Variants in PPP1R9A observed in about 807,000 individuals in gnomAD.
The protein encoded by PPP1R9A is neurabin-1.
A neutral mutation model predicts 141.9 loss-of-function variants in PPP1R9A; 59 were observed. The ratio of observed to expected loss-of-function variants is 0.42; its 90% confidence interval spans 0.34 to 0.52. The LOEUF is 0.52. PPP1R9A is among the 20% of genes least tolerant of loss of function. The pLI is 0.10. For synonymous variants in PPP1R9A, 500 were observed against 569.7 expected (o/e 0.88, Z 1.74); for missense variants, 1,444 against 1,611.9 (o/e 0.90, Z 1.78).
chr7:94,978,767 A>G (rs1197078065), intron 2 of PPP1R9A, among the ~76,000 whole-genome samples: 1 of 152,166 alleles, frequency 6.6e-6, no homozygotes, highest in African/African-American at 2.4e-5. Flanking sequence ...TTAGATGTTC[A>G]GAGTAGTGCT....
intron 12 of PPP1R9A, among the ~76,000 whole-genome samples, chr7:95,257,848 A>C (rs544874386): frequency 6.6e-6 from 1 of 152,246 alleles, no homozygotes; most frequent in East Asian, 1.9e-4. Flanking sequence ...ACATGAACTC[A>C]TCATTTTTTA....
At chr7:95,001,013 C>T (rs1802843680) in intron 2 of PPP1R9A, among the ~76,000 whole-genome samples, 1 of 151,672 alleles carries the variant, frequency 6.6e-6, no homozygotes, top group African/African-American at 2.4e-5. Flanking sequence ...TTAACATCCT[C>T]ATTTAATAAT....
chr7:94,988,527 T>G (rs2151404648), intron 2 of PPP1R9A, among the ~76,000 whole-genome samples: 1 of 152,172 alleles, frequency 6.6e-6, no homozygotes, highest in South Asian at 2.1e-4. Flanking sequence ...TGATTAGATC[T>G]GAAAACTAGG....
chr7:95,239,187 A>C (rs1043876213), intron 8 of PPP1R9A, among the ~76,000 whole-genome samples: 3 of 152,140 alleles, frequency 2.0e-5, no homozygotes, highest in African/African-American at 7.2e-5. Flanking sequence ...TATATACTGA[A>C]ATTATACCTC....
intron 2 of PPP1R9A, among the ~76,000 whole-genome samples, chr7:94,952,198 G>A (rs1262595145): frequency 6.6e-6 from 1 of 152,076 alleles, no homozygotes; most frequent in Non-Finnish European, 1.5e-5. Context: ...GTGAGAACAT[G>A]CGGTATTTGG....
intron 2 of PPP1R9A, among the ~76,000 whole-genome samples, chr7:95,099,686 A>G (rs1818501761): frequency 1.3e-5 from 2 of 152,148 alleles, no homozygotes; most frequent in Admixed American, 1.3e-4. Flanking sequence ...GCAATACTAT[A>G]CCTTAAAATT....
intron 2 of PPP1R9A, among the ~76,000 whole-genome samples, chr7:94,935,257 A>G (rs916273854): frequency 3.9e-5 from 6 of 152,200 alleles, no homozygotes; most frequent in African/African-American, 1.4e-4. Context: ...GGGCTAAGCT[A>G]CTACTTAAAT....
intron 18 of PPP1R9A, 38 bp downstream of exon 18, chr7:95,286,363 A>C: frequency 6.2e-7 from 1 of 1,606,880 alleles, no homozygotes; most frequent in South Asian, 1.1e-5. Context: ...GCTTTGTCAA[A>C]TCTGACGTTT....
At chr7:95,033,616 C>A (rs1352410879) in intron 2 of PPP1R9A, among the ~76,000 whole-genome samples, 1 of 152,042 alleles carries the variant, frequency 6.6e-6, no homozygotes, top group South Asian at 2.1e-4. Flanking sequence ...GATTTTTCTC[C>A]TGTATCCTAA....
chr7:94,984,629 A>G (rs918052202), intron 2 of PPP1R9A, among the ~76,000 whole-genome samples: 1 of 152,078 alleles, frequency 6.6e-6, no homozygotes, highest in Non-Finnish European at 1.5e-5. Flanking sequence ...AGAGGTGTTT[A>G]TAGTATTCTC....
chr7:95,241,798 C>T lies in PPP1R9A; in HGVS notation c.2113-5675C>T, dbSNP rs147533966. Reference sequence around the variant, plus strand: ...GCATGGGATAATAACATTAAGTTATCTTTATGGAAGTTTCCACTACCATGT... The same window carrying T: ...GCATGGGATAATAACATTAAGTTATTTTTATGGAAGTTTCCACTACCATGT... On this transcript the variant is annotated intron_variant, in intron 8 of 19. Coordinates refer to ENST00000433360, the MANE Select transcript of PPP1R9A (RefSeq NM_001166160.2). 7.8e-4 allele frequency among the ~76,000 whole-genome samples: 118 copies of T among 152,218 alleles called. 1 individual carries two copies. Among genetic ancestry groups the T allele is most frequent in the African/African-American group, 2.7e-3 (113 of 41,560 alleles).
Position 95,290,527 on chromosome 7 carries a change from C to G in PPP1R9A, c.*224C>G, listed in dbSNP as rs910198545. On this transcript the variant is annotated 3_prime_UTR_variant, in exon 20 of 20. Coordinates refer to ENST00000433360, the MANE Select transcript of PPP1R9A (RefSeq NM_001166160.2). ...AGCCACCTTTGGTTCATTAACAAAC[C>G]AGAGATTTCATTTAAGTAGCTGTGT... 17 of 507,390 alleles carry G rather than the reference C, an allele frequency of 3.4e-5. No homozygotes were observed. Among genetic ancestry groups the G allele is most frequent in the Non-Finnish European group, 5.6e-5 (16 of 286,606 alleles). 31.4% of individuals were successfully genotyped at this position (507,390 alleles called of 1,614,324 possible).
At chr7:95,287,224 A>G (rs950744891) in intron 18 of PPP1R9A, 32 of 1,440,584 alleles carry the variant, frequency 2.2e-5, no homozygotes, top group South Asian at 3.4e-5. Context: ...AAATCAGACA[A>G]TACAAGAATA....
chr7:94,958,805 G>A (rs1797323655), intron 2 of PPP1R9A, among the ~76,000 whole-genome samples: 1 of 151,788 alleles, frequency 6.6e-6, no homozygotes, highest in Non-Finnish European at 1.5e-5. Flanking sequence ...AATGGATTTG[G>A]TTATTTTCAA....
At chr7:95,061,480 T>C (rs1207293592) in intron 2 of PPP1R9A, among the ~76,000 whole-genome samples, 2 of 152,184 alleles carry the variant, frequency 1.3e-5, no homozygotes, top group South Asian at 2.1e-4. Flanking sequence ...TCATGCCTAT[T>C]ACCCCAGCAC....
chr7:95,198,786 C>A (rs1038030810), intron 6 of PPP1R9A, among the ~76,000 whole-genome samples: 4 of 152,148 alleles, frequency 2.6e-5, no homozygotes, highest in Non-Finnish European at 5.9e-5. Flanking sequence ...ATAATGTCAT[C>A]TTTATTGGTG....
intron 2 of PPP1R9A, among the ~76,000 whole-genome samples, chr7:95,060,948 G>A (rs1308715080): frequency 6.6e-6 from 1 of 152,266 alleles, no homozygotes; most frequent in South Asian, 2.1e-4. Flanking sequence ...AAATGTTACC[G>A]TGGGAGCTAG....
intron 8 of PPP1R9A, among the ~76,000 whole-genome samples, chr7:95,242,441 T>A (rs1797586224): frequency 6.6e-6 from 1 of 152,164 alleles, no homozygotes; most frequent in African/African-American, 2.4e-5. Context: ...TAAAGAAAAA[T>A]GTTTCCATGC....
intron 7 of PPP1R9A, 53 bp from the exon 8 acceptor site, chr7:95,225,908 C>T: frequency 6.6e-7 from 1 of 1,521,932 alleles, no homozygotes; most frequent in Non-Finnish European, 8.9e-7. Flanking sequence ...TCAAATAACT[C>T]ACCTCCACCT....
Sources: gnomAD v4.1 joint callset for allele counts (sites outside exome capture counted in the v4.1 genomes callset) on GRCh38, gnomAD v4.1.1 for gene constraint, MANE v1.5 for transcripts, NCBI Gene and HGNC (gene_info 2026-07-23, HGNC 2026-07-21) for gene names.